Variants in ADGRB3 observed in about 807,000 individuals in gnomAD.
ADGRB3 encodes brain-specific angiogenesis inhibitor 3.
Under a neutral mutation model 193.4 loss-of-function variants are expected in ADGRB3, and 37 were observed. The observed-to-expected ratio is 0.19, with a 90% CI of 0.15 to 0.25. The LOEUF (loss-of-function observed/expected upper bound fraction) is 0.25, where lower values mean the gene tolerates loss of function less well. Ranked by LOEUF, ADGRB3 falls within the 10% of genes least tolerant of loss-of-function variation. The pLI, the probability that ADGRB3 is intolerant of heterozygous loss-of-function variation, is 1.00. For synonymous variants in ADGRB3, 690 were observed against 644.2 expected (o/e 1.07, Z -1.08); for missense variants, 1,637 against 1,852.9 (o/e 0.88, Z 2.14).
chr6:68,956,399 T>A (rs1249088290), intron 7 of ADGRB3, among the ~76,000 whole-genome samples: 2 of 152,038 alleles, frequency 1.3e-5, no homozygotes, highest in African/African-American at 4.8e-5. Flanking sequence ...AATAAAGTAA[T>A]AAAATTCAGG....
chr6:69,350,724 T>C (rs1769203482), intron 26 of ADGRB3, among the ~76,000 whole-genome samples: 2 of 152,174 alleles, frequency 1.3e-5, no homozygotes, highest in African/African-American at 4.8e-5. Flanking sequence ...CAGAATATTT[T>C]AATATTCTGG....
At position 69,268,563 on chromosome 6, in the gene ADGRB3, T is replaced by C. The variant is rs547672560; in HGVS notation, c.2814+29337T>C. ...AGGCTCCTAGGGCATTTAAGGCATC[T>C]ACACAAAAGTATTGACATACTCTGG... On this transcript the variant is annotated intron_variant, in intron 20 of 31. Coordinates refer to ENST00000370598, the MANE Select transcript of ADGRB3 (RefSeq NM_001704.3). Among the ~76,000 whole-genome samples the C allele has an allele frequency of 4.0e-4, 61 of 152,252 alleles. 1 individual carries two copies. Among genetic ancestry groups the C allele is most frequent in the African/African-American group, 1.4e-3 (58 of 41,540 alleles).
chr6:69,029,289 C>CT (rs530577447), intron 13 of ADGRB3, among the ~76,000 whole-genome samples: 2 of 152,124 alleles, frequency 1.3e-5, no homozygotes, highest in South Asian at 2.1e-4. Context: ...AAATTTGAAA[C>CT]TTTTTTTGGC....
chr6:68,890,153 A>G (rs1346642557), intron 3 of ADGRB3, among the ~76,000 whole-genome samples: 1 of 152,218 alleles, frequency 6.6e-6, no homozygotes, highest in African/African-American at 2.4e-5. Context: ...AAAGCACTTA[A>G]TGCATCAAAG....
At position 68,945,382 on chromosome 6, in the gene ADGRB3, C is replaced by G. The variant is rs1398520687; in HGVS notation, c.1195+1388C>G. 4.6e-5 allele frequency among the ~76,000 whole-genome samples: 7 copies of G among 152,124 alleles called. 1 individual carries two copies. The highest frequency in any genetic ancestry group is 1.4e-4 in the African/African-American group (6 of 41,540). ...TATTTGTTAACCAGTACTAGAAAAT[C>G]TATTTATGAGATCAGTAACATTCTG... On this transcript the variant is annotated intron_variant, in intron 6 of 31. Transcript: ENST00000370598.
chr6:69,252,621 A>T (rs1375145329), intron 20 of ADGRB3, among the ~76,000 whole-genome samples: 1 of 152,076 alleles, frequency 6.6e-6, no homozygotes, highest in African/African-American at 2.4e-5. Flanking sequence ...GCACCTTTTC[A>T]TGTCCTTATA....
At chr6:68,938,232 A>G (rs1767534529) in intron 5 of ADGRB3, among the ~76,000 whole-genome samples, 1 of 152,078 alleles carries the variant, frequency 6.6e-6, no homozygotes, top group African/African-American at 2.4e-5. Flanking sequence ...AAAAAGATTC[A>G]CAAGAAAAAA....
intron 17 of ADGRB3, among the ~76,000 whole-genome samples, chr6:69,229,693 T>A (rs1766092431): frequency 6.6e-6 from 1 of 152,192 alleles, no homozygotes. Context: ...ATTTTTGCTA[T>A]CAGTCTTTTT....
intron 3 of ADGRB3, among the ~76,000 whole-genome samples, chr6:68,694,674 G>A (rs1263703673): frequency 6.6e-6 from 1 of 151,816 alleles, no homozygotes; most frequent in East Asian, 1.9e-4. Flanking sequence ...CTTTTTTGAT[G>A]GTCATTCTCT....
intron 3 of ADGRB3, among the ~76,000 whole-genome samples, chr6:68,694,025 A>G (rs1417660632): frequency 1.3e-5 from 2 of 151,976 alleles, no homozygotes; most frequent in African/African-American, 4.8e-5. Flanking sequence ...ATTTTCATGC[A>G]TATTTATGAA....
At chr6:68,874,780 C>T (rs921026090) in intron 3 of ADGRB3, among the ~76,000 whole-genome samples, 1 of 152,074 alleles carries the variant, frequency 6.6e-6, no homozygotes, top group Non-Finnish European at 1.5e-5. Flanking sequence ...TCGCTATTTT[C>T]ATGGAATTTG....
At chr6:69,017,426 C>G (rs1028183256) in intron 12 of ADGRB3, among the ~76,000 whole-genome samples, 88 of 151,910 alleles carry the variant, frequency 5.8e-4, no homozygotes, top group Non-Finnish European at 1.2e-4. Context: ...ATTTTCTGCT[C>G]TAAAGTGGTT....
intron 17 of ADGRB3, among the ~76,000 whole-genome samples, chr6:69,213,896 A>G (rs1343506304): frequency 6.6e-6 from 1 of 152,162 alleles, no homozygotes; most frequent in Non-Finnish European, 1.5e-5. Context: ...AATATGTTCA[A>G]AGTTATATAT....
At chr6:68,695,364 G>C (rs1266198482) in intron 3 of ADGRB3, among the ~76,000 whole-genome samples, 1 of 151,968 alleles carries the variant, frequency 6.6e-6, no homozygotes, top group African/African-American at 2.4e-5. Context: ...TAAAAAAATT[G>C]TCCCTCCTTC....
chr6:68,866,136 C>T (rs1173220382), intron 3 of ADGRB3, among the ~76,000 whole-genome samples: 1 of 152,044 alleles, frequency 6.6e-6, no homozygotes. Context: ...CTCAGCAAGT[C>T]ACATGGTTTG....
At chr6:68,832,961 G>A (rs1470764792) in intron 3 of ADGRB3, among the ~76,000 whole-genome samples, 1 of 152,094 alleles carries the variant, frequency 6.6e-6, no homozygotes, top group Non-Finnish European at 1.5e-5. Flanking sequence ...TGACATGTTA[G>A]CATCTGCCCA....
At chr6:68,933,099 T>C (rs1293546502) in intron 4 of ADGRB3, among the ~76,000 whole-genome samples, 2 of 150,606 alleles carry the variant, frequency 1.3e-5, no homozygotes, top group Non-Finnish European at 1.5e-5. Flanking sequence ...TTAAATGATA[T>C]CATATAATAT....
intron 13 of ADGRB3, among the ~76,000 whole-genome samples, chr6:69,040,648 T>G (rs118099456): frequency 0.066 from 7,015 of 106,862 alleles, 224 homozygotes; most frequent in Middle Eastern, 0.15. Context: ...TACCCAGAGA[T>G]GCCCAGGCTT....
chr6:68,694,781 C>A (rs1178611519), intron 3 of ADGRB3, among the ~76,000 whole-genome samples: 1 of 152,078 alleles, frequency 6.6e-6, no homozygotes, highest in African/African-American at 2.4e-5. Context: ...TCTATCCCTT[C>A]ACCACTATCT....
Sources: allele counts gnomAD v4.1 joint callset (sites outside exome capture counted in the v4.1 genomes callset), GRCh38; gene constraint gnomAD v4.1.1; transcripts MANE v1.5; gene names NCBI Gene and HGNC (gene_info 2026-07-23, HGNC 2026-07-21).